The following JARID2 variants were observed in gnomAD, a reference collection of about 807,000 sequenced individuals.
The protein encoded by JARID2 is jumonji and AT-rich interaction domain containing 2.
JARID2 carries 21 observed loss-of-function variants against 125.6 expected under a neutral mutation model. The observed-to-expected ratio is 0.17, with a 90% CI of 0.12 to 0.24. The LOEUF (loss-of-function observed/expected upper bound fraction) is 0.24, where lower values mean the gene tolerates loss of function less well. Ranked by LOEUF, JARID2 falls within the 10% of genes least tolerant of loss-of-function variation. The pLI, the probability that JARID2 is intolerant of heterozygous loss-of-function variation, is 1.00. For synonymous variants in JARID2, 736 were observed against 661.6 expected, an observed-to-expected ratio of 1.11 and a Z score of -1.73; for missense variants, 1,303 against 1,639.6, an observed-to-expected ratio of 0.79 and a Z score of 3.55.
rs1378362472 is a variant in JARID2, at chr6:15,520,416, T to C, written c.*165T>C. ...TGTTTTAGCATTAAACTGTTGAACT[T>C]TTTTTTGTACTTAGAAAACCTAGAT... On this transcript the variant is annotated 3_prime_UTR_variant, in exon 18 of 18. Coordinates refer to ENST00000341776, the MANE Select transcript of JARID2 (RefSeq NM_004973.4). The C allele has an allele frequency of 1.8e-6, 1 of 560,072 alleles. No homozygotes were observed. The highest frequency in any genetic ancestry group is 2.9e-6 in the Non-Finnish European group (1 of 339,464). The allele number at this position is 560,072 out of a possible 1,614,324, so 34.7% of individuals were successfully genotyped here. A position where few individuals can be genotyped will look rare whatever the true frequency, so the allele number is the denominator to read the frequency against.
chr6:15,328,077 T>C (rs1050044319), intron 1 of JARID2, among the ~76,000 whole-genome samples: 4 of 152,096 alleles, frequency 2.6e-5, no homozygotes, highest in Non-Finnish European at 5.9e-5. Flanking sequence ...TCAATAAATA[T>C]TGGTGCAATG....
In JARID2 at chr6:15,291,466, T is replaced by A. The variant is rs1761211680; in HGVS notation, c.45+44882T>A. 2.0e-5 allele frequency among the ~76,000 whole-genome samples: 3 copies of A among 152,168 alleles called. No homozygotes were observed. In the South Asian group the frequency reaches 6.2e-4, roughly 32 times the overall value. ...CCCCTCCTGTTCTCAGTGACCTAAC[T>A]AATCTGGTTTCTCAGCCTGCGTCAG... is the stretch of plus-strand genomic sequence containing the variant. On this transcript the variant is annotated intron_variant, in intron 1 of 17. Transcript: ENST00000341776.
Position 15,515,793 on chromosome 6 carries a change from T to C in JARID2, c.3451-1368T>C, listed in dbSNP as rs556919296. Reference sequence around the variant, plus strand: ...AACAAAAACCAGGCACGGTGGCTTATGCTTGTAATCCCAGCACTTTGGGAG... The same window carrying C: ...AACAAAAACCAGGCACGGTGGCTTACGCTTGTAATCCCAGCACTTTGGGAG... On this transcript the variant is annotated intron_variant, in intron 16 of 17. Coordinates refer to ENST00000341776, the MANE Select transcript of JARID2 (RefSeq NM_004973.4). Among the ~76,000 whole-genome samples, 6 of 151,524 alleles carry C rather than the reference T, an allele frequency of 4.0e-5. No homozygotes were observed. In the South Asian group the frequency reaches 1.3e-3, roughly 32 times the overall value.
chr6:15,421,710 G>T (rs1030117036), intron 3 of JARID2, among the ~76,000 whole-genome samples: 1 of 152,194 alleles, frequency 6.6e-6, no homozygotes, highest in Non-Finnish European at 1.5e-5. Flanking sequence ...TTGGATCTAA[G>T]CTTTCACATC....
intron 3 of JARID2, among the ~76,000 whole-genome samples, chr6:15,427,775 A>G (rs1307386931): frequency 6.6e-6 from 1 of 152,000 alleles, no homozygotes; most frequent in Non-Finnish European, 1.5e-5. Context: ...AAGGCACTAG[A>G]TGCTGGAATT....
intron 3 of JARID2, among the ~76,000 whole-genome samples, chr6:15,444,407 G>T (rs988206891): frequency 1.3e-5 from 2 of 152,162 alleles, no homozygotes; most frequent in African/African-American, 4.8e-5. Flanking sequence ...ACCATTCTGT[G>T]TGGTTTGCTC....
chr6:15,464,521 A>G (rs895634047), intron 4 of JARID2, among the ~76,000 whole-genome samples: 6 of 152,170 alleles, frequency 3.9e-5, no homozygotes, highest in Admixed American at 3.9e-4. Context: ...GATGATGCCA[A>G]GGAGGACAGT....
chr6:15,512,835 C>G, intron 14 of JARID2, 80 bp from the exon 15 acceptor site: 1 of 1,356,236 alleles, frequency 7.4e-7, no homozygotes, highest in Non-Finnish European at 1.0e-6. Flanking sequence ...GACAGCCTGC[C>G]TGCCCCCTCC....
At chr6:15,287,273 A>T (rs1761040520) in intron 1 of JARID2, among the ~76,000 whole-genome samples, 1 of 152,216 alleles carries the variant, frequency 6.6e-6, no homozygotes, top group Non-Finnish European at 1.5e-5. Context: ...AATATTTCCA[A>T]ATACTTTTTT....
intron 1 of JARID2, among the ~76,000 whole-genome samples, chr6:15,252,254 A>G (rs1370422170): frequency 6.6e-6 from 1 of 152,188 alleles, no homozygotes; most frequent in Non-Finnish European, 1.5e-5. Flanking sequence ...TATCAAAAAA[A>G]CCGTAATTAA....
intron 1 of JARID2, among the ~76,000 whole-genome samples, chr6:15,364,105 C>T (rs893568733): frequency 2.0e-5 from 3 of 152,084 alleles, no homozygotes; most frequent in African/African-American, 7.2e-5. Context: ...TATTTCCTTG[C>T]TGGGGTTCGG....
chr6:15,463,503 T>G (rs955311198), intron 4 of JARID2, among the ~76,000 whole-genome samples: 1 of 150,114 alleles, frequency 6.7e-6, no homozygotes, highest in African/African-American at 2.5e-5. Context: ...CAGTTTCAGC[T>G]CATTGCAACC....
At chr6:15,417,093 C>T (rs911093374) in intron 3 of JARID2, among the ~76,000 whole-genome samples, 7 of 152,090 alleles carry the variant, frequency 4.6e-5, no homozygotes, top group Non-Finnish European at 5.9e-5. Flanking sequence ...CAAAAGAGGT[C>T]ATCTGAGTTG....
At chr6:15,346,353 C>T in intron 1 of JARID2, among the ~76,000 whole-genome samples, 1 of 152,128 alleles carries the variant, frequency 6.6e-6, no homozygotes, top group Non-Finnish European at 1.5e-5. Context: ...TGTGGTTTTC[C>T]ACCATTTATT....
At chr6:15,363,765 T>C (rs1217696892) in intron 1 of JARID2, among the ~76,000 whole-genome samples, 2 of 152,168 alleles carry the variant, frequency 1.3e-5, no homozygotes, top group African/African-American at 4.8e-5. Flanking sequence ...ACGTTATTAG[T>C]GGGAAATGCT....
At chr6:15,349,785 G>C (rs867254972) in intron 1 of JARID2, among the ~76,000 whole-genome samples, 1 of 152,112 alleles carries the variant, frequency 6.6e-6, no homozygotes, top group African/African-American at 2.4e-5. Flanking sequence ...CCTCCTTCCC[G>C]CAAGCAATGC....
intron 1 of JARID2, among the ~76,000 whole-genome samples, chr6:15,259,812 A>G (rs1759802478): frequency 6.6e-6 from 1 of 152,162 alleles, no homozygotes; most frequent in Non-Finnish European, 1.5e-5. Context: ...CCTCATTCTA[A>G]AAAAGGATTT....
chr6:15,270,714 A>G (rs1023193660), intron 1 of JARID2, among the ~76,000 whole-genome samples: 12 of 152,076 alleles, frequency 7.9e-5, no homozygotes, highest in Admixed American at 2.0e-4. Context: ...TTGGGAGGTC[A>G]AGGTGGGGAG....
chr6:15,463,778 T>C (rs1293316262), intron 4 of JARID2, among the ~76,000 whole-genome samples: 2 of 152,194 alleles, frequency 1.3e-5, no homozygotes, highest in Non-Finnish European at 1.5e-5. Flanking sequence ...TTCTACCGAC[T>C]CAGCACAATA....
Sources: allele counts gnomAD v4.1 joint callset (sites outside exome capture counted in the v4.1 genomes callset), GRCh38; gene constraint gnomAD v4.1.1; transcripts MANE v1.5; gene names NCBI Gene and HGNC (gene_info 2026-07-23, HGNC 2026-07-21).